The following SOX6 variants were observed in gnomAD, a reference collection of about 807,000 sequenced individuals.
SOX6 encodes SRY-box transcription factor 6, also known as transcription factor SOX-6.
Under a neutral mutation model 97.8 loss-of-function variants are expected in SOX6, and 11 were observed. That is an observed-to-expected ratio of 0.11 (90% CI 0.07 to 0.19). The LOEUF is 0.19. Among genes scored for constraint, SOX6 ranks in the 10% least tolerant of loss-of-function variants. SOX6 has a pLI of 1.00. For synonymous variants in SOX6, 360 were observed against 371.4 expected, an observed-to-expected ratio of 0.97 and a Z score of 0.35; for missense variants, 810 against 1,039.5, an observed-to-expected ratio of 0.78 and a Z score of 3.04.
intron 3 of SOX6, among the ~76,000 whole-genome samples, chr11:16,681,784 C>T (rs1847930085): frequency 6.6e-6 from 1 of 152,112 alleles, no homozygotes; most frequent in Non-Finnish European, 1.5e-5. Flanking sequence ...GGGGATATTG[C>T]CACTGATCCC....
At chr11:16,522,412 T>C (rs1861083582) in intron 4 of SOX6, among the ~76,000 whole-genome samples, 1 of 151,872 alleles carries the variant, frequency 6.6e-6, no homozygotes, top group African/African-American at 2.4e-5. Flanking sequence ...ATAAAATCCT[T>C]TACAGAGAAG....
chr11:16,478,105 A>G (rs1442465375), upstream of SOX6, among the ~76,000 whole-genome samples: 4 of 152,182 alleles, frequency 2.6e-5, no homozygotes, highest in African/African-American at 9.7e-5. Context: ...TATAAATTAT[A>G]ATTTCCTTAT....
chr11:16,369,630 T>C (rs1857449881), intron 1 of SOX6, among the ~76,000 whole-genome samples: 1 of 152,170 alleles, frequency 6.6e-6, no homozygotes, highest in African/African-American at 2.4e-5. Flanking sequence ...CAAAATACAA[T>C]GGCTTAAAAT....
intron 6 of SOX6, among the ~76,000 whole-genome samples, chr11:16,113,262 T>G (rs1191659621): frequency 2.0e-5 from 3 of 152,158 alleles, no homozygotes; most frequent in African/African-American, 7.2e-5. Flanking sequence ...AAATAAACAC[T>G]TTACAGGATT....
chr11:16,462,910 A>G (rs1410282681), intron 1 of SOX6, among the ~76,000 whole-genome samples: 1 of 152,200 alleles, frequency 6.6e-6, no homozygotes, highest in Non-Finnish European at 1.5e-5. Flanking sequence ...AAACCTAAAA[A>G]TCAAGACCCT....
chr11:16,222,918 A>G (rs758737574), intron 4 of SOX6, among the ~76,000 whole-genome samples: 3 of 152,066 alleles, frequency 2.0e-5, no homozygotes, highest in Admixed American at 1.3e-4. Context: ...TTAAAATAAT[A>G]TTTTTTATTC....
chr11:16,534,127 C>A (rs116333957), intron 4 of SOX6, among the ~76,000 whole-genome samples: 1,842 of 152,172 alleles, frequency 0.012, 35 homozygotes, highest in African/African-American at 0.042. Context: ...ACAGCAGAAC[C>A]AATAAGTCCA....
At chr11:16,548,640 T>C (rs2133182848) in intron 4 of SOX6, among the ~76,000 whole-genome samples, 1 of 152,246 alleles carries the variant, frequency 6.6e-6, no homozygotes. Context: ...AAATTTTGGC[T>C]CTTTGAAAGA....
At chr11:16,682,387 C>G (rs954397030) in intron 3 of SOX6, among the ~76,000 whole-genome samples, 1 of 152,168 alleles carries the variant, frequency 6.6e-6, no homozygotes, top group Admixed American at 6.5e-5. Context: ...AGTTTCTCCA[C>G]CACGATCAAG....
intron 4 of SOX6, among the ~76,000 whole-genome samples, chr11:16,207,763 T>C (rs1284833938): frequency 6.6e-6 from 1 of 152,038 alleles, no homozygotes; most frequent in East Asian, 1.9e-4. Flanking sequence ...GAAAGTTGCA[T>C]AGCACATTTG....
chr11:16,269,372 T>C (rs1269142764), intron 3 of SOX6, among the ~76,000 whole-genome samples: 7 of 150,980 alleles, frequency 4.6e-5, no homozygotes, highest in Admixed American at 2.0e-4. Flanking sequence ...TTTGTAATTT[T>C]CTTTTTAAGT....
intron 4 of SOX6, among the ~76,000 whole-genome samples, chr11:16,195,964 C>A (rs908736950): frequency 4.6e-5 from 7 of 152,110 alleles, no homozygotes; most frequent in South Asian, 2.1e-4. Flanking sequence ...ATTTGAGAAA[C>A]CTCCCAGATA....
intron 3 of SOX6, among the ~76,000 whole-genome samples, chr11:16,713,314 C>A (rs961988641): frequency 6.6e-6 from 1 of 152,094 alleles, no homozygotes; most frequent in East Asian, 1.9e-4. Flanking sequence ...TTGCCAAAAT[C>A]TTTTACTAAA....
chr11:16,079,907 A>G (rs1848435543), intron 9 of SOX6, among the ~76,000 whole-genome samples: 1 of 152,032 alleles, frequency 6.6e-6, no homozygotes, highest in Non-Finnish European at 1.5e-5. Context: ...ATATATATCA[A>G]CCATAGTAAA....
chr11:16,281,188 A>C (rs1165969098), intron 3 of SOX6, among the ~76,000 whole-genome samples: 1 of 152,108 alleles, frequency 6.6e-6, no homozygotes, highest in Admixed American at 6.6e-5. Flanking sequence ...AAACCCCTTT[A>C]AAAAATAAAA....
chr11:16,626,787 T>C (rs1192234017), intron 3 of SOX6, among the ~76,000 whole-genome samples: 4 of 152,200 alleles, frequency 2.6e-5, no homozygotes, highest in African/African-American at 9.7e-5. Flanking sequence ...GTATTTTATG[T>C]CTGGATGTTA....
At chr11:16,721,618 CCT>C (rs59547335) in intron 2 of SOX6, among the ~76,000 whole-genome samples, 570 of 22,316 alleles carry the variant, frequency 0.026, 43 homozygotes, top group African/African-American at 0.082. Flanking sequence ...TCCCTCCCTC[CCT>C]CTCTCTCTCT....
chr11:16,536,846 C>T (rs1252881227), intron 4 of SOX6, among the ~76,000 whole-genome samples: 1 of 152,246 alleles, frequency 6.6e-6, no homozygotes, highest in African/African-American at 2.4e-5. Flanking sequence ...GGCCTACTGT[C>T]TCTATAGGCT....
rs192879767 is a variant in SOX6 at position 16,101,461 on chromosome 11, T to C, written c.899-3773A>G. On this transcript the variant is annotated intron_variant, in intron 7 of 15. Coordinates refer to ENST00000683767, the MANE Select transcript of SOX6 (RefSeq NM_001367873.1). Reference sequence around the variant, plus strand: ...GAATAGATCAATGATGAAAAGAGTCTTGACCTCAGAATTTCTTCTAAGATC... The same window carrying C: ...GAATAGATCAATGATGAAAAGAGTCCTGACCTCAGAATTTCTTCTAAGATC... Among the ~76,000 whole-genome samples the C allele has an allele frequency of 2.6e-5, 4 of 151,856 alleles. No homozygotes were observed. In the East Asian group the frequency reaches 5.8e-4, roughly 22 times the overall value.
Sources: gnomAD v4.1 joint callset for allele counts (sites outside exome capture counted in the v4.1 genomes callset) on GRCh38, gnomAD v4.1.1 for gene constraint, MANE v1.5 for transcripts, NCBI Gene and HGNC (gene_info 2026-07-23, HGNC 2026-07-21) for gene names.